PGM3: variants seen among roughly 807,000 people sequenced by gnomAD.
PGM3 encodes the protein phosphoglucomutase 3, also known as phosphoacetylglucosamine mutase.
A neutral mutation model predicts 66.2 loss-of-function variants in PGM3; 40 were observed. The ratio of observed to expected loss-of-function variants is 0.60; its 90% CI spans 0.47 to 0.79. The LOEUF is 0.79. Among genes scored for constraint, PGM3 ranks in the 30% least tolerant of loss-of-function variants. The pLI, the probability that PGM3 is intolerant of heterozygous loss-of-function variation, is 0.00. For missense variants in PGM3, 537 were observed against 643.4 expected (o/e 0.83, Z 1.79); for synonymous variants, 191 against 224.2 (o/e 0.85, Z 1.32).
In PGM3 at chr6:83,180,006, G is replaced by C. The variant is rs763070613; in HGVS notation, c.788-39C>G. On this transcript the variant is annotated intron_variant, in intron 6 of 12. Coordinates refer to ENST00000513973, the MANE Select transcript of PGM3 (RefSeq NM_015599.3). ...TAATTTAACATGCATTTCAGTCTAA[G>C]AATTTATTATAAAGAGTTTTAGAAT... The C allele has an allele frequency of 2.0e-6, 3 of 1,476,900 alleles. No homozygotes were observed. In the Admixed American group the frequency reaches 6.1e-5, roughly 30 times the overall value. 91.5% of individuals were successfully genotyped at this position (1,476,900 alleles called of 1,614,324 possible). A position where few individuals can be genotyped will look rare whatever the true frequency, so the allele number is the denominator to read the frequency against.
chr6:83,161,319 A>G (rs1459282805), downstream of PGM3: 1 of 152,178 alleles, frequency 6.6e-6, no homozygotes, highest in Non-Finnish European at 1.5e-5. Context: ...ATAAAAATCT[A>G]TAAAGTAGAA....
At chr6:83,163,563 C>T (rs1258727779), downstream of PGM3, among the ~76,000 whole-genome samples, 1 of 152,106 alleles carries the variant, frequency 6.6e-6, no homozygotes, top group African/African-American at 2.4e-5. Flanking sequence ...AATTCATTTT[C>T]TAAGTATTTT....
intron 4 of PGM3, among the ~76,000 whole-genome samples, chr6:83,185,255 C>T (rs1391434118): frequency 6.6e-6 from 1 of 152,206 alleles, no homozygotes; most frequent in Non-Finnish European, 1.5e-5. Context: ...TGAGACACAA[C>T]CAGCATTTGT....
At chr6:83,193,348 C>T (rs1479712242), upstream of PGM3, 1 of 152,328 alleles carries the variant, frequency 6.6e-6, no homozygotes, top group Non-Finnish European at 1.5e-5. Context: ...GCCCCGCCCC[C>T]GCCTCGCCGC....
chr6:83,188,603 C>G lies in PGM3; in HGVS notation c.389+11G>C, dbSNP rs1488128156. On this transcript the variant is annotated intron_variant, in intron 3 of 12. Transcript: ENST00000513973. ...AAGGTTTTTTTTTTTACCAGTAACT[C>G]TTATCATCACCTGGTATCTCTACCA... is the stretch of plus-strand genomic sequence containing the variant. The G allele has an allele frequency of 3.8e-6, 6 of 1,591,340 alleles. No homozygotes were observed. Among genetic ancestry groups the G allele is most frequent in the Admixed American group, 3.4e-5 (2 of 59,496 alleles).
chr6:83,192,667 G>A (rs925069536), intron 1 of PGM3, among the ~76,000 whole-genome samples: 1 of 151,638 alleles, frequency 6.6e-6, no homozygotes, highest in African/African-American at 2.4e-5. Flanking sequence ...ATTCATAAGA[G>A]TGTAAACCAG....
chr6:83,174,296 A>G, intron 10 of PGM3, 78 bp downstream of exon 10: 1 of 742,246 alleles, frequency 1.3e-6, no homozygotes, highest in Admixed American at 2.8e-5. Flanking sequence ...TTAATTTTGT[A>G]TGCACCCACA....
the PGM3 span, chr6:83,153,590 A>G: frequency 6.2e-7 from 1 of 1,607,922 alleles, no homozygotes; most frequent in Non-Finnish European, 8.5e-7. Flanking sequence ...AATATTATGC[A>G]TTATGTTGTG....
At chr6:83,163,236 T>C (rs1420722096), downstream of PGM3, among the ~76,000 whole-genome samples, 1 of 152,196 alleles carries the variant, frequency 6.6e-6, no homozygotes, top group African/African-American at 2.4e-5. Flanking sequence ...ACCATACATG[T>C]GAGTATTTAA....
chr6:83,161,730 G>A (rs1784280521), downstream of PGM3, among the ~76,000 whole-genome samples: 1 of 152,120 alleles, frequency 6.6e-6, no homozygotes, highest in Non-Finnish European at 1.5e-5. Flanking sequence ...ATTCTTGTTG[G>A]AAGTATACAC....
downstream of PGM3, chr6:83,162,985 TA>T (rs1437030347): frequency 2.4e-5 from 36 of 1,499,212 alleles, 1 homozygote; most frequent in South Asian, 4.9e-4. Flanking sequence ...AGGTATTTAT[TA>T]AATACTTCCT....
In PGM3 at chr6:83,181,728, C is replaced by T. The variant is rs778342353; in HGVS notation, c.787+8G>A. Reference sequence around the variant, plus strand: ...AAAACAAATTTTTGCAGTGCTAGTACGACATACCCTGTGGAGGTTTCTGAT... The same window carrying T: ...AAAACAAATTTTTGCAGTGCTAGTATGACATACCCTGTGGAGGTTTCTGAT... On this transcript the variant is annotated splice_region_variant and intron_variant, in intron 6 of 12. Coordinates refer to ENST00000513973, the MANE Select transcript of PGM3 (RefSeq NM_015599.3). 57 of 1,593,908 alleles carry T rather than the reference C, an allele frequency of 3.6e-5. No homozygotes were observed. The African/African-American group carries it at 5.7e-4, about 16-fold the overall frequency.
chr6:83,157,073 A>G, downstream of PGM3: 1 of 1,074,032 alleles, frequency 9.3e-7, no homozygotes, highest in Non-Finnish European at 1.3e-6. Context: ...GAATTTTTTT[A>G]AAGTTTATCC....
At chr6:83,159,176 T>C (rs1402414073), downstream of PGM3, among the ~76,000 whole-genome samples, 1 of 152,210 alleles carries the variant, frequency 6.6e-6, no homozygotes, top group East Asian at 1.9e-4. Context: ...CTAATAACTT[T>C]ATTATTATAG....
chr6:83,191,404 T>A, intron 1 of PGM3: 1 of 628,972 alleles, frequency 1.6e-6, no homozygotes, highest in Non-Finnish European at 2.8e-6. Flanking sequence ...GAAACTAACC[T>A]AAATTAACAT....
At position 83,168,908 on chromosome 6, in the gene PGM3, G is replaced by GT. The variant is rs1786457333; in HGVS notation, c.*325dup. On this transcript the variant is annotated 3_prime_UTR_variant, in exon 13 of 13. Coordinates refer to ENST00000513973, the MANE Select transcript of PGM3 (RefSeq NM_015599.3). The stretch of plus-strand genomic sequence containing the variant: ...GGTGATGGCAAAGATATCACAAGGA[G>GT]TTGGTAATAAGATTTAATTTTCCAG... The GT allele has an allele frequency of 1.9e-6, 2 of 1,078,774 alleles. No homozygotes were observed. The highest frequency in any genetic ancestry group is 1.3e-4 in the East Asian group (2 of 15,810). 66.8% of individuals were successfully genotyped at this position (1,078,774 alleles called of 1,614,324 possible).
chr6:83,158,187 A>G (rs1228798579), downstream of PGM3, among the ~76,000 whole-genome samples: 5 of 151,700 alleles, frequency 3.3e-5, no homozygotes, highest in Admixed American at 1.3e-4. Context: ...ATTTTTAGTA[A>G]AGACGGGGTT....
At position 83,168,879 on chromosome 6, in the gene PGM3, T is replaced by G. The variant is rs1391299519; in HGVS notation, c.*355A>C. On this transcript the variant is annotated 3_prime_UTR_variant, in exon 13 of 13. Transcript: ENST00000513973. ...GCTGCAAAACATCATCTTGCTCATG[T>G]GATGGTGATGGCAAAGATATCACAA... 2 of 1,054,298 alleles carry G rather than the reference T, an allele frequency of 1.9e-6. No homozygotes were observed. Among genetic ancestry groups the G allele is most frequent in the South Asian group, 6.9e-5 (2 of 28,922 alleles). The allele number at this position is 1,054,298 out of a possible 1,614,324, so 65.3% of individuals were successfully genotyped here. A position where few individuals can be genotyped will look rare whatever the true frequency, so the allele number is the denominator to read the frequency against.
intron 8 of PGM3, among the ~76,000 whole-genome samples, chr6:83,177,425 A>G (rs901103240): frequency 7.9e-5 from 12 of 151,632 alleles, no homozygotes; most frequent in Admixed American, 4.6e-4. Flanking sequence ...AGAATCTCCC[A>G]CCACCCCAGA....
Sources: gnomAD v4.1 joint callset for allele counts (sites outside exome capture counted in the v4.1 genomes callset) on GRCh38, gnomAD v4.1.1 for gene constraint, MANE v1.5 for transcripts, NCBI Gene and HGNC (gene_info 2026-07-23, HGNC 2026-07-21) for gene names.